Variants in UBE2E2 observed in about 807,000 individuals in gnomAD.
UBE2E2 encodes the protein ubiquitin conjugating enzyme E2 E2, also known as ubiquitin-conjugating enzyme E2 E2.
Under a neutral mutation model 24.7 loss-of-function variants are expected in UBE2E2, and 6 were observed. That is an observed-to-expected ratio of 0.24 (90% CI 0.13 to 0.48). The LOEUF (loss-of-function observed/expected upper bound fraction) is 0.48, where lower values mean the gene tolerates loss of function less well. UBE2E2 is among the 20% of genes least tolerant of loss of function. The pLI is 0.99. For synonymous variants in UBE2E2, 104 were observed against 83.6 expected (o/e 1.24, Z -1.33); for missense variants, 169 against 245.0 (o/e 0.69, Z 2.07).
At chr3:23,269,883 A>G (rs9841336) in intron 3 of UBE2E2, among the ~76,000 whole-genome samples, 127,962 of 152,190 alleles carry the variant, frequency 0.84, 53,912 homozygotes, top group African/African-American at 0.9. Context: ...TTATAAGGGA[A>G]TAACATGTTT....
intron 3 of UBE2E2, among the ~76,000 whole-genome samples, chr3:23,486,322 G>A (rs1457816895): frequency 6.6e-6 from 1 of 152,190 alleles, no homozygotes; most frequent in Non-Finnish European, 1.5e-5. Context: ...GGGGAATGCA[G>A]TGGCACCTGA....
rs925453063 is a variant in UBE2E2, at chr3:23,457,230, C to T, written c.228-42378C>T. On this transcript the variant is annotated intron_variant, in intron 3 of 5. Coordinates refer to ENST00000396703, the MANE Select transcript of UBE2E2 (RefSeq NM_152653.4). ...CTCTCTGGGCAGGGATTTTAGTATG[C>T]ATTGAAGGGAGTTTGCCAAAGTTCA... 2.6e-5 allele frequency among the ~76,000 whole-genome samples: 4 copies of T among 152,246 alleles called. No individual in the cohort carries two copies. The East Asian group carries it at 5.8e-4, about 22-fold the overall frequency.
At chr3:23,322,969 C>T (rs972260819) in intron 3 of UBE2E2, among the ~76,000 whole-genome samples, 1 of 151,638 alleles carries the variant, frequency 6.6e-6, no homozygotes, top group Non-Finnish European at 1.5e-5. Flanking sequence ...TCACAACATA[C>T]GTGGTTCAGT....
chr3:23,343,443 G>A lies in UBE2E2; in HGVS notation c.227+126131G>A, dbSNP rs547126354. Among the ~76,000 whole-genome samples, 83 of 152,180 alleles carry A rather than the reference G, an allele frequency of 5.5e-4. 2 individuals carry two copies. The South Asian group carries it at 0.016, about 29-fold the overall frequency. On this transcript the variant is annotated intron_variant, in intron 3 of 5. Transcript: ENST00000396703. ...ATACAAAAATTAGCTGGGTGTCGTG[G>A]CACTCACCTGTAGTCCCATCTACTC...
intron 5 of UBE2E2, among the ~76,000 whole-genome samples, chr3:23,536,440 TTGTC>T (rs1695266074): frequency 1.3e-5 from 2 of 152,244 alleles, no homozygotes; most frequent in Non-Finnish European, 2.9e-5. Flanking sequence ...TCATTTCTAT[TTGTC>T]TGCTCTACTA....
chr3:23,222,688 C>G (rs1042972842), intron 3 of UBE2E2, among the ~76,000 whole-genome samples: 2 of 152,122 alleles, frequency 1.3e-5, no homozygotes, highest in African/African-American at 4.8e-5. Flanking sequence ...TCAGGTATGT[C>G]TTTATGGGCA....
chr3:23,586,775 T>C (rs1046150497), intron 5 of UBE2E2, among the ~76,000 whole-genome samples: 1 of 152,190 alleles, frequency 6.6e-6, no homozygotes, highest in Non-Finnish European at 1.5e-5. Context: ...AACAGGAAAT[T>C]CGTTCTTAAT....
intron 3 of UBE2E2, among the ~76,000 whole-genome samples, chr3:23,359,922 A>C (rs1197012532): frequency 1.3e-5 from 2 of 152,152 alleles, no homozygotes; most frequent in Non-Finnish European, 2.9e-5. Context: ...TGAATTGTTA[A>C]GGGTATGGAG....
chr3:23,516,794 G>T (rs1470198080), intron 4 of UBE2E2, among the ~76,000 whole-genome samples: 1 of 152,048 alleles, frequency 6.6e-6, no homozygotes. Flanking sequence ...ACATACCTGA[G>T]AAATGAGTCT....
intron 3 of UBE2E2, among the ~76,000 whole-genome samples, chr3:23,305,043 A>G (rs1023533902): frequency 6.6e-6 from 1 of 152,186 alleles, no homozygotes; most frequent in Non-Finnish European, 1.5e-5. Context: ...AAGTAACACC[A>G]CCGATCTTAG....
At chr3:23,463,335 G>A (rs1698852597) in intron 3 of UBE2E2, among the ~76,000 whole-genome samples, 1 of 152,080 alleles carries the variant, frequency 6.6e-6, no homozygotes, top group East Asian at 1.9e-4. Flanking sequence ...CAAAATTCCA[G>A]GCAGCTTGGA....
At chr3:23,462,743 C>T (rs1698832809) in intron 3 of UBE2E2, among the ~76,000 whole-genome samples, 1 of 152,142 alleles carries the variant, frequency 6.6e-6, no homozygotes, top group South Asian at 2.1e-4. Flanking sequence ...CCCTCATTAT[C>T]TCTTATTCTC....
intron 2 of UBE2E2, 52 bp downstream of exon 2, chr3:23,208,927 A>G (rs770982412): frequency 6.7e-7 from 1 of 1,482,288 alleles, no homozygotes; most frequent in South Asian, 1.4e-5. Flanking sequence ...TATCATCTTA[A>G]GTTCTATTTT....
At chr3:23,347,184 C>A (rs1376913851) in intron 3 of UBE2E2, among the ~76,000 whole-genome samples, 1 of 152,144 alleles carries the variant, frequency 6.6e-6, no homozygotes, top group Non-Finnish European at 1.5e-5. Context: ...TACATTTGAC[C>A]CAGCCATCCC....
intron 3 of UBE2E2, among the ~76,000 whole-genome samples, chr3:23,230,489 A>G (rs1575488527): frequency 6.6e-6 from 1 of 152,202 alleles, no homozygotes; most frequent in East Asian, 1.9e-4. Flanking sequence ...CATGAGGTAC[A>G]TTGGAGAAGA....
chr3:23,373,691 A>G (rs1218945772), intron 3 of UBE2E2, among the ~76,000 whole-genome samples: 7 of 152,064 alleles, frequency 4.6e-5, no homozygotes, highest in African/African-American at 1.4e-4. Flanking sequence ...ATAATAGTCT[A>G]CTCTTATGCT....
rs180916734 is a variant in UBE2E2 at position 23,474,486 on chromosome 3, A to G, written c.228-25122A>G. Among the ~76,000 whole-genome samples the G allele has an allele frequency of 3.2e-3, 487 of 152,242 alleles. 11 individuals carry two copies. Among genetic ancestry groups the G allele is most frequent in the Non-Finnish European group, 7.1e-4 (48 of 68,036 alleles). ...CGTTATTGTACATTTCTAATAATCT[A>G]TCACAAAAAAATCATAGAATTATAA... On this transcript the variant is annotated intron_variant, in intron 3 of 5. Transcript: ENST00000396703. This position sits in a 1 kb window ranked among gnomAD's most constrained non-coding sequence, Gnocchi z 4.0.
intron 3 of UBE2E2, among the ~76,000 whole-genome samples, chr3:23,314,395 G>GT (rs1694512371): frequency 6.6e-6 from 1 of 151,958 alleles, no homozygotes; most frequent in Admixed American, 6.6e-5. Flanking sequence ...CTCCTAAAGT[G>GT]TTGGGATTAC....
intron 4 of UBE2E2, among the ~76,000 whole-genome samples, chr3:23,527,574 C>T (rs971976586): frequency 2.6e-5 from 4 of 152,138 alleles, no homozygotes; most frequent in Non-Finnish European, 2.9e-5. Context: ...AAGCTGGTTG[C>T]CATCATGTCA....
Sources: gnomAD v4.1 joint callset for allele counts (sites outside exome capture counted in the v4.1 genomes callset) on GRCh38, gnomAD v4.1.1 for gene constraint, Gnocchi (gnomAD v3.1) non-coding constraint, MANE v1.5 for transcripts, NCBI Gene and HGNC (gene_info 2026-07-23, HGNC 2026-07-21) for gene names.